The following PEAK1 variants were observed in gnomAD, a reference collection of about 807,000 sequenced individuals.
The protein encoded by PEAK1 is pseudopodium enriched atypical kinase 1.
A neutral mutation model predicts 124.7 loss-of-function variants in PEAK1; 54 were observed. That is an observed-to-expected ratio of 0.43 (90% CI 0.35 to 0.54). PEAK1 has a LOEUF of 0.54. Ranked by LOEUF, PEAK1 falls within the 20% of genes least tolerant of loss-of-function variation. PEAK1 has a pLI of 0.01. For synonymous variants in PEAK1, 719 were observed against 760.0 expected, an observed-to-expected ratio of 0.95 and a Z score of 0.89; for missense variants, 2,046 against 2,134.5, an observed-to-expected ratio of 0.96 and a Z score of 0.82.
chr15:77,229,203 TCTA>T (rs1297307762), intron 6 of PEAK1, among the ~76,000 whole-genome samples: 1 of 152,168 alleles, frequency 6.6e-6, no homozygotes, highest in Non-Finnish European at 1.5e-5. Context: ...TTAAGGCCTT[TCTA>T]CTACATTTGA....
At chr15:77,397,918 A>G (rs2071032949) in intron 1 of PEAK1, among the ~76,000 whole-genome samples, 1 of 152,032 alleles carries the variant, frequency 6.6e-6, no homozygotes, top group African/African-American at 2.4e-5. Context: ...AAAAAAAATT[A>G]GCCAGGCATG....
At chr15:77,316,885 C>T (rs1204173537) in intron 2 of PEAK1, among the ~76,000 whole-genome samples, 3 of 152,040 alleles carry the variant, frequency 2.0e-5, no homozygotes, top group Non-Finnish European at 4.4e-5. Flanking sequence ...TGAGACCTGC[C>T]TGGCCGACAT....
At chr15:77,303,566 T>C (rs2063902494) in intron 2 of PEAK1, among the ~76,000 whole-genome samples, 3 of 152,254 alleles carry the variant, frequency 2.0e-5, no homozygotes, top group Non-Finnish European at 4.4e-5. Flanking sequence ...GGGGTGTCTC[T>C]TCAGATCTTC....
intron 2 of PEAK1, among the ~76,000 whole-genome samples, chr15:77,313,690 G>A (rs867100438): frequency 0.033 from 3,973 of 121,784 alleles, 132 homozygotes; most frequent in African/African-American, 0.084. Flanking sequence ...GTGTGTGTGT[G>A]TGTATATATA....
At chr15:77,400,573 T>C (rs1567354467) in intron 1 of PEAK1, among the ~76,000 whole-genome samples, 2 of 152,188 alleles carry the variant, frequency 1.3e-5, no homozygotes, top group East Asian at 3.8e-4. Context: ...GGACAAACTT[T>C]GCATGCTCTC....
intron 8 of PEAK1, among the ~76,000 whole-genome samples, chr15:77,137,430 G>A (rs1468252075): frequency 1.3e-5 from 2 of 152,222 alleles, no homozygotes; most frequent in East Asian, 3.9e-4. Context: ...ACCCTGCAAA[G>A]CCACAGGGAT....
In PEAK1 at chr15:77,355,052, A is replaced by C. The variant is rs1302299702; in HGVS notation, c.-603+10111T>G. On this transcript the variant is annotated intron_variant, in intron 2 of 9. Transcript: ENST00000682557. ...AGACTCCATCTCAATAAAAAAAAAAAAAACCACTTAACTCTGTGGCAAATC... is the reference window on the plus strand; with the variant it reads ...AGACTCCATCTCAATAAAAAAAAAACAAACCACTTAACTCTGTGGCAAATC... Among the ~76,000 whole-genome samples, 24 of 152,080 alleles carry C rather than the reference A, an allele frequency of 1.6e-4. 1 individual carries two copies. The highest frequency in any genetic ancestry group is 3.4e-4 in the Non-Finnish European group (23 of 68,022).
Position 77,179,887 on chromosome 15 carries a change from G to C in PEAK1, c.2040C>G (p.Ser680Arg). The change falls in exon 7 of 10, where the codon AGC becomes AGG. Residue 680 changes from serine (S) to arginine (R), a missense_variant. Physicochemically the swap from Ser to Arg is moderately radical, Grantham distance 110. Coordinates refer to ENST00000682557, the MANE Select transcript of PEAK1 (RefSeq NM_001385026.1). ...TESKVPDNTT[S>R]KTTDCLQTKG... ...TAGTTTGAAGACAGTCAGTGGTTTTGCTAGTGGTGTTATCAGGCACTTTGC... is the reference window on the plus strand; with the variant it reads ...TAGTTTGAAGACAGTCAGTGGTTTTCCTAGTGGTGTTATCAGGCACTTTGC... 1 of 1,614,142 alleles carries C rather than the reference G, an allele frequency of 6.2e-7. No individual in the cohort carries two copies.
chr15:77,209,871 A>G (rs2058825077), intron 6 of PEAK1, among the ~76,000 whole-genome samples: 1 of 152,204 alleles, frequency 6.6e-6, no homozygotes, highest in African/African-American at 2.4e-5. Flanking sequence ...AACTTATTTC[A>G]TATTTCCGGC....
intron 2 of PEAK1, among the ~76,000 whole-genome samples, chr15:77,311,211 GTTA>G (rs1283264643): frequency 6.6e-6 from 1 of 152,152 alleles, no homozygotes; most frequent in Non-Finnish European, 1.5e-5. Flanking sequence ...AACTGCCAGA[GTTA>G]TTATGCAATA....
intron 8 of PEAK1, among the ~76,000 whole-genome samples, chr15:77,149,925 T>C (rs1421639510): frequency 1.3e-5 from 2 of 152,080 alleles, no homozygotes; most frequent in Non-Finnish European, 2.9e-5. Flanking sequence ...ATTTTTGTTA[T>C]TTTTTGTAGA....
At chr15:77,358,740 G>A (rs202227569) in intron 2 of PEAK1, among the ~76,000 whole-genome samples, 1 of 152,172 alleles carries the variant, frequency 6.6e-6, no homozygotes, top group African/African-American at 2.4e-5. Flanking sequence ...ACTTTATATG[G>A]GGAAGCGAGA....
chr15:77,378,464 T>G (rs536517464), intron 1 of PEAK1, among the ~76,000 whole-genome samples: 2 of 152,262 alleles, frequency 1.3e-5, no homozygotes, highest in Admixed American at 1.3e-4. Flanking sequence ...TACTTCACGG[T>G]ATTATTTACA....
intron 2 of PEAK1, chr15:77,351,033 T>A: frequency 1.2e-6 from 1 of 816,670 alleles, no homozygotes; most frequent in Non-Finnish European, 1.5e-6. Context: ...CCATGCTGAA[T>A]CAAATCAGCC....
intron 5 of PEAK1, among the ~76,000 whole-genome samples, chr15:77,266,023 A>G (rs1405500115): frequency 6.6e-6 from 1 of 151,880 alleles, no homozygotes; most frequent in African/African-American, 2.4e-5. Context: ...AACACCGCAT[A>G]TTCTCACTCA....
At chr15:77,158,395 A>C (rs62008378) in intron 8 of PEAK1, 108 bp downstream of exon 8, 104,221 of 1,066,852 alleles carry the variant, frequency 0.098, 5,506 homozygotes, top group Admixed American at 0.12. Context: ...AATGGTCCAA[A>C]TTCTGCTTCA....
intron 2 of PEAK1, among the ~76,000 whole-genome samples, chr15:77,323,056 A>T (rs1417868712): frequency 1.3e-5 from 2 of 152,226 alleles, no homozygotes; most frequent in Non-Finnish European, 2.9e-5. Flanking sequence ...CAATAGATGC[A>T]GAAAAGGCCT....
intron 5 of PEAK1, chr15:77,278,487 G>A (rs2062460374): frequency 6.1e-6 from 3 of 494,350 alleles, no homozygotes; most frequent in African/African-American, 5.9e-5. Context: ...AAGGCTGAAG[G>A]GGATGCTAAA....
At chr15:77,350,374 A>G in intron 2 of PEAK1, 1 of 985,422 alleles carries the variant, frequency 1.0e-6, no homozygotes. Flanking sequence ...CTCAGTTCAC[A>G]AGACTTCATT....
Sources: allele counts gnomAD v4.1 joint callset (sites outside exome capture counted in the v4.1 genomes callset), GRCh38; gene constraint gnomAD v4.1.1; transcripts MANE v1.5; gene names NCBI Gene and HGNC (gene_info 2026-07-23, HGNC 2026-07-21).